CDK6: variants seen among roughly 807,000 people sequenced by gnomAD.
The protein encoded by CDK6 is cyclin-dependent kinase 6.
Under a neutral mutation model 37.1 loss-of-function variants are expected in CDK6, and 6 were observed. The ratio of observed to expected loss-of-function variants is 0.16; its 90% CI spans 0.09 to 0.32. The LOEUF (loss-of-function observed/expected upper bound fraction) is 0.32. Among genes scored for constraint, CDK6 ranks in the 10% least tolerant of loss-of-function variants. CDK6 has a pLI of 1.00. For synonymous variants in CDK6, 160 were observed against 161.3 expected (o/e 0.99, Z 0.06); for missense variants, 224 against 418.9 (o/e 0.53, Z 4.06).
At chr7:92,802,726 GTA>G (rs1217123128) in intron 2 of CDK6, among the ~76,000 whole-genome samples, 1 of 152,218 alleles carries the variant, frequency 6.6e-6, no homozygotes, top group African/African-American at 2.4e-5. Flanking sequence ...AGGTGGTAAA[GTA>G]TGTTAATGAT....
At chr7:92,836,217 G>A (rs932894497) in intron 1 of CDK6, among the ~76,000 whole-genome samples, 2 of 151,152 alleles carry the variant, frequency 1.3e-5, no homozygotes, top group South Asian at 2.1e-4. Context: ...GGTGTCGCGG[G>A]TGTCCCTAGG....
intron 4 of CDK6, among the ~76,000 whole-genome samples, chr7:92,707,586 A>C (rs1797996068): frequency 6.6e-6 from 1 of 152,212 alleles, no homozygotes; most frequent in South Asian, 2.1e-4. Context: ...AAATTCTAAA[A>C]CAACATCAAT....
At chr7:92,716,757 T>C (rs1437604824) in intron 4 of CDK6, among the ~76,000 whole-genome samples, 5 of 152,184 alleles carry the variant, frequency 3.3e-5, no homozygotes, top group African/African-American at 1.2e-4. Context: ...TGTCTCATAC[T>C]CCTATGAGTA....
intron 4 of CDK6, among the ~76,000 whole-genome samples, chr7:92,674,866 C>G (rs1797169276): frequency 6.6e-6 from 1 of 152,212 alleles, no homozygotes; most frequent in Non-Finnish European, 1.5e-5. Flanking sequence ...GGGTCTTGCT[C>G]TGTTGCCCAG....
Position 92,618,052 on chromosome 7 carries a change from T to A in CDK6, c.834+20A>T, listed in dbSNP as rs368421522. 1.2e-6 allele frequency: 2 copies of A among 1,613,218 alleles called. No individual in the cohort carries two copies. Among genetic ancestry groups the A allele is most frequent in the South Asian group, 2.2e-5 (2 of 90,952 alleles). Reference sequence around the variant, plus strand: ...TCTCACTGGCACAGTGCAGACGAGCTTGACATCAGAAAAACTTACCAGAAG... The same window carrying A: ...TCTCACTGGCACAGTGCAGACGAGCATGACATCAGAAAAACTTACCAGAAG... On this transcript the variant is annotated intron_variant, in intron 7 of 7. Coordinates refer to ENST00000424848, the MANE Select transcript of CDK6 (RefSeq NM_001145306.2).
chr7:92,738,918 C>T (rs1798854424), intron 3 of CDK6, among the ~76,000 whole-genome samples: 1 of 152,094 alleles, frequency 6.6e-6, no homozygotes, highest in African/African-American at 2.4e-5. Flanking sequence ...ATTCTTTTTC[C>T]AGGCACCAAA....
chr7:92,747,856 G>A (rs1799096715), intron 3 of CDK6, among the ~76,000 whole-genome samples: 1 of 152,100 alleles, frequency 6.6e-6, no homozygotes, highest in Non-Finnish European at 1.5e-5. Context: ...TATAAAACTA[G>A]GTTGTATTTC....
chr7:92,671,608 G>GT (rs1797072960), intron 4 of CDK6, 73 bp from the exon 5 acceptor site: 1 of 762,936 alleles, frequency 1.3e-6, no homozygotes, highest in South Asian at 2.3e-5. Flanking sequence ...AAACCTGGTG[G>GT]TTTAATGACA....
chr7:92,779,282 G>A (rs953868527), intron 2 of CDK6, among the ~76,000 whole-genome samples: 3 of 152,098 alleles, frequency 2.0e-5, no homozygotes, highest in East Asian at 3.9e-4. Context: ...CTCAAGATAC[G>A]AAAGGTGAGC....
chr7:92,792,253 G>A (rs1800303204), intron 2 of CDK6, among the ~76,000 whole-genome samples: 1 of 152,088 alleles, frequency 6.6e-6, no homozygotes, highest in Non-Finnish European at 1.5e-5. Context: ...CAAGATCCCT[G>A]CTCTCTTAGA....
At chr7:92,765,646 C>G (rs1361478520) in intron 3 of CDK6, among the ~76,000 whole-genome samples, 1 of 152,132 alleles carries the variant, frequency 6.6e-6, no homozygotes, top group East Asian at 1.9e-4. Flanking sequence ...AGTACAGTTA[C>G]AAACACATGT....
intron 2 of CDK6, among the ~76,000 whole-genome samples, chr7:92,788,521 A>G (rs1800200383): frequency 6.6e-6 from 1 of 152,204 alleles, no homozygotes. Context: ...TTTAAGCACA[A>G]TATTATGTTT....
intron 4 of CDK6, chr7:92,725,096 T>C: frequency 3.0e-6 from 3 of 985,436 alleles, no homozygotes; most frequent in South Asian, 4.7e-5. Context: ...CAGGGTTATA[T>C]GAGCCTTCAC....
At chr7:92,805,837 C>T (rs1800711679) in intron 2 of CDK6, among the ~76,000 whole-genome samples, 1 of 152,136 alleles carries the variant, frequency 6.6e-6, no homozygotes, top group Non-Finnish European at 1.5e-5. Context: ...CCAATCTGAA[C>T]CCTAAGGTTA....
chr7:92,640,644 G>T (rs900290786), intron 5 of CDK6, among the ~76,000 whole-genome samples: 2 of 151,952 alleles, frequency 1.3e-5, no homozygotes, highest in African/African-American at 2.4e-5. Flanking sequence ...GTCTACTCTG[G>T]GTATTTCACA....
At chr7:92,717,938 C>T (rs927646936) in intron 4 of CDK6, among the ~76,000 whole-genome samples, 1 of 152,178 alleles carries the variant, frequency 6.6e-6, no homozygotes, top group African/African-American at 2.4e-5. Flanking sequence ...CAGAGCTAAC[C>T]TATCAGATGG....
intron 2 of CDK6, among the ~76,000 whole-genome samples, chr7:92,813,434 CCTA>C (rs1355766782): frequency 2.0e-5 from 3 of 152,190 alleles, no homozygotes; most frequent in Non-Finnish European, 4.4e-5. Context: ...ATTCCCAACT[CCTA>C]CTGCCAAGTT....
At chr7:92,623,682 C>A (rs1642931624) in intron 5 of CDK6, among the ~76,000 whole-genome samples, 1 of 152,178 alleles carries the variant, frequency 6.6e-6, no homozygotes, top group South Asian at 2.1e-4. Context: ...AACACACAGC[C>A]TTCCTTGTCT....
rs77262105 is a variant in CDK6, at chr7:92,721,289, C to A, written c.537+4337G>T. On this transcript the variant is annotated intron_variant, in intron 4 of 7. Coordinates refer to ENST00000424848, the MANE Select transcript of CDK6 (RefSeq NM_001145306.2). Reference sequence around the variant, plus strand: ...TTAGGAGGAAGGATGAGCCCATGCCCTTCCCATTTAGTCAGGGAATTGCAA... The same window carrying A: ...TTAGGAGGAAGGATGAGCCCATGCCATTCCCATTTAGTCAGGGAATTGCAA... 8.4e-3 allele frequency among the ~76,000 whole-genome samples: 1,275 copies of A among 152,264 alleles called. 22 individuals carry two copies. The highest frequency in any genetic ancestry group is 0.029 in the African/African-American group (1,217 of 41,554).
Sources: allele counts gnomAD v4.1 joint callset (sites outside exome capture counted in the v4.1 genomes callset), GRCh38; gene constraint gnomAD v4.1.1; transcripts MANE v1.5; gene names NCBI Gene and HGNC (gene_info 2026-07-23, HGNC 2026-07-21).